Variants in FAM222A observed in about 807,000 individuals in gnomAD.
FAM222A encodes protein FAM222A.
FAM222A carries 7 observed loss-of-function variants against 25.8 expected under a neutral mutation model. That is an observed-to-expected ratio of 0.27 (90% CI 0.15 to 0.51). The LOEUF (loss-of-function observed/expected upper bound fraction) is 0.51, where lower values mean the gene tolerates loss of function less well. FAM222A is among the 20% of genes least tolerant of loss of function. The pLI is 0.97. For synonymous variants in FAM222A, 294 were observed against 298.8 expected, an observed-to-expected ratio of 0.98 and a Z score of 0.17; for missense variants, 573 against 640.5, an observed-to-expected ratio of 0.89 and a Z score of 1.14.
At chr12:109,748,991 C>T (rs190422124) in intron 2 of FAM222A, among the ~76,000 whole-genome samples, 5 of 152,140 alleles carry the variant, frequency 3.3e-5, no homozygotes, top group African/African-American at 9.6e-5. Flanking sequence ...CACTTCCGAG[C>T]TATATGTAGT....
intron 1 of FAM222A, chr12:109,735,479 C>T (rs1888060845): frequency 6.6e-6 from 1 of 152,264 alleles, no homozygotes; most frequent in African/African-American, 2.4e-5. Flanking sequence ...TTAGATTTTT[C>T]TCCTTCCCCG....
chr12:109,769,322 G>A lies in FAM222A; in HGVS notation c.*34G>A. 1.3e-6 allele frequency: 2 copies of A among 1,557,354 alleles called. No homozygotes were observed. Among genetic ancestry groups the A allele is most frequent in the Non-Finnish European group, 1.7e-6 (2 of 1,150,888 alleles). On this transcript the variant is annotated 3_prime_UTR_variant, in exon 3 of 3. Coordinates refer to ENST00000538780, the MANE Select transcript of FAM222A (RefSeq NM_032829.3). ...CTGCGGACATACGGACATGCGGACA[G>A]GGCGCAGAGCCGGGAGGCAGGCCGC...
intron 2 of FAM222A, among the ~76,000 whole-genome samples, chr12:109,756,260 T>G (rs1269199947): frequency 6.6e-6 from 1 of 152,218 alleles, no homozygotes; most frequent in Non-Finnish European, 1.5e-5. Context: ...TTTTGTATAT[T>G]GATCTTGTAT....
Position 109,764,222 on chromosome 12 carries a change from C to CAAAAAA in FAM222A, c.83-3780_83-3775dup, listed in dbSNP as rs59140628. 1.0e-3 allele frequency among the ~76,000 whole-genome samples: 95 copies of CAAAAAA among 91,732 alleles called. 7 individuals carry two copies. The highest frequency in any genetic ancestry group is 6.7e-3 in the East Asian group (23 of 3,430). The allele number at this position is 91,732 out of a possible 152,430, so 60.2% of individuals were successfully genotyped here. A position where few individuals can be genotyped will look rare whatever the true frequency, so the allele number is the denominator to read the frequency against. Reference sequence around the variant, plus strand: ...TCTACCCTGAGTAAGACCCTGTCTTCAAAAAAAAAAAAAAAGCCATGGCCC... The same window carrying CAAAAAA: ...TCTACCCTGAGTAAGACCCTGTCTTCAAAAAAAAAAAAAAAAAAAAAGCCATGGCCC... On this transcript the variant is annotated intron_variant, in intron 2 of 2. Coordinates refer to ENST00000538780, the MANE Select transcript of FAM222A (RefSeq NM_032829.3).
chr12:109,729,668 A>G (rs1049472370), intron 1 of FAM222A, among the ~76,000 whole-genome samples: 1 of 152,276 alleles, frequency 6.6e-6, no homozygotes, highest in Non-Finnish European at 1.5e-5. Flanking sequence ...ATGCTGGCGC[A>G]TGCCCCAGCA....
At chr12:109,767,953 T>C in intron 2 of FAM222A, 59 bp from the exon 3 acceptor site, 4 of 1,543,504 alleles carry the variant, frequency 2.6e-6, no homozygotes, top group Admixed American at 3.5e-5. Context: ...TCGTGAGCCC[T>C]GTGGGGAGAG....
chr12:109,742,469 A>G (rs1041754488), intron 1 of FAM222A, among the ~76,000 whole-genome samples: 1 of 152,162 alleles, frequency 6.6e-6, no homozygotes, highest in Non-Finnish European at 1.5e-5. Context: ...GTAATGGCCT[A>G]TTTTAAAATT....
In FAM222A at chr12:109,767,421, A is replaced by G. The variant is rs187279633; in HGVS notation, c.83-591A>G. Among the ~76,000 whole-genome samples, 1,147 of 152,238 alleles carry G rather than the reference A, an allele frequency of 7.5e-3. 63 individuals are homozygous for G. The highest frequency in any genetic ancestry group is 0.072 in the Admixed American group (1,101 of 15,300). On this transcript the variant is annotated intron_variant, in intron 2 of 2. Coordinates refer to ENST00000538780, the MANE Select transcript of FAM222A (RefSeq NM_032829.3). The stretch of plus-strand genomic sequence containing the variant: ...CGCATGCCTAGGATCACTTGAGCCT[A>G]GGAGGTCGAGGCTGTAGTGAGCCAT...
intron 1 of FAM222A, among the ~76,000 whole-genome samples, chr12:109,736,821 G>C (rs750913328): frequency 6.6e-6 from 1 of 152,142 alleles, no homozygotes; most frequent in Non-Finnish European, 1.5e-5. Flanking sequence ...CTTGCGCCGG[G>C]AGCTGGCCGT....
chr12:109,715,802 C>T (rs1217269200), intron 1 of FAM222A, among the ~76,000 whole-genome samples: 3 of 152,210 alleles, frequency 2.0e-5, no homozygotes, highest in Admixed American at 6.5e-5. Context: ...AAGAGACCTC[C>T]CTGAACCCCA....
intron 1 of FAM222A, among the ~76,000 whole-genome samples, chr12:109,717,574 T>A (rs1887667550): frequency 6.6e-6 from 1 of 152,058 alleles, no homozygotes; most frequent in Non-Finnish European, 1.5e-5. Context: ...GCCAGTGATG[T>A]GTGTGGGCCC....
intron 2 of FAM222A, among the ~76,000 whole-genome samples, chr12:109,767,084 T>C (rs1889075251): frequency 6.7e-6 from 1 of 148,522 alleles, no homozygotes; most frequent in South Asian, 2.2e-4. Context: ...TTTTTTTTTT[T>C]TTCTTATAAA....
chr12:109,741,879 G>A (rs1279491537), intron 1 of FAM222A, among the ~76,000 whole-genome samples: 1 of 152,212 alleles, frequency 6.6e-6, no homozygotes, highest in East Asian at 1.9e-4. Context: ...CAAGCTCAGT[G>A]GTGAGGGGGT....
intron 2 of FAM222A, among the ~76,000 whole-genome samples, chr12:109,765,473 G>C (rs1019421412): frequency 3.9e-5 from 6 of 152,192 alleles, no homozygotes; most frequent in Admixed American, 2.6e-4. Flanking sequence ...GTCATTTGCA[G>C]TTCCCACCCT....
At chr12:109,728,679 T>G (rs1241198718) in intron 1 of FAM222A, among the ~76,000 whole-genome samples, 1 of 152,154 alleles carries the variant, frequency 6.6e-6, no homozygotes, top group African/African-American at 2.4e-5. Flanking sequence ...ACCCAAGCCC[T>G]TTTCACCAAT....
intron 1 of FAM222A, among the ~76,000 whole-genome samples, chr12:109,718,401 C>A (rs1887685353): frequency 6.6e-6 from 1 of 152,076 alleles, no homozygotes; most frequent in Non-Finnish European, 1.5e-5. Context: ...CCTCCAGCCC[C>A]CTCTGCCTTC....
At position 109,765,760 on chromosome 12, in the gene FAM222A, G is replaced by A. The variant is rs913514879; in HGVS notation, c.83-2252G>A. Among the ~76,000 whole-genome samples, 3 of 152,226 alleles carry A rather than the reference G, an allele frequency of 2.0e-5. No individual in the cohort carries two copies. The East Asian group carries it at 5.8e-4, about 29-fold the overall frequency. Reference sequence around the variant, plus strand: ...TTCTGATCAGTGGGGAGGTAGCAGGGTCTGCACTCTATCCCCAGCTGCGAT... The same window carrying A: ...TTCTGATCAGTGGGGAGGTAGCAGGATCTGCACTCTATCCCCAGCTGCGAT... On this transcript the variant is annotated intron_variant, in intron 2 of 2. Coordinates refer to ENST00000538780, the MANE Select transcript of FAM222A (RefSeq NM_032829.3).
Position 109,761,197 on chromosome 12 carries a change from A to T in FAM222A, c.83-6815A>T, listed in dbSNP as rs535126219. Among the ~76,000 whole-genome samples, 17 of 152,274 alleles carry T rather than the reference A, an allele frequency of 1.1e-4. No homozygotes were observed. In the East Asian group the frequency reaches 3.1e-3, roughly 28 times the overall value. On this transcript the variant is annotated intron_variant, in intron 2 of 2. Transcript: ENST00000538780. Reference sequence around the variant, plus strand: ...GAACCAGATCTGTGGCTCAGAGTCCACGAATTCCACCTGCAGCCCCACCCC... The same window carrying T: ...GAACCAGATCTGTGGCTCAGAGTCCTCGAATTCCACCTGCAGCCCCACCCC...
rs1373703222 is a variant in FAM222A, at chr12:109,714,974, AG to A, written c.-47+81del. On this transcript the variant is annotated intron_variant, in intron 1 of 2. Transcript: ENST00000538780. This position sits in a 1 kb window ranked among gnomAD's most constrained non-coding sequence, Gnocchi z 4.2. Reference sequence around the variant, plus strand: ...GTCCGGGCAGCCAGGATTGGACAGAAGGGGTCCTAGGCTGTTGGGGGTCCTG... The same window carrying A: ...GTCCGGGCAGCCAGGATTGGACAGAAGGGTCCTAGGCTGTTGGGGGTCCTG... 1 of 152,656 alleles carries A rather than the reference AG, an allele frequency of 6.6e-6. No homozygotes were observed. The highest frequency in any genetic ancestry group is 2.4e-5 in the African/African-American group (1 of 41,458). The allele number at this position is 152,656 out of a possible 1,614,324, so 9.5% of individuals were successfully genotyped here. A position where few individuals can be genotyped will look rare whatever the true frequency, so the allele number is the denominator to read the frequency against.
Sources: allele counts gnomAD v4.1 joint callset (sites outside exome capture counted in the v4.1 genomes callset), GRCh38; gene constraint gnomAD v4.1.1; non-coding constraint Gnocchi (gnomAD v3.1); transcripts MANE v1.5; gene names NCBI Gene and HGNC (gene_info 2026-07-23, HGNC 2026-07-21).